The following FBXO42 variants were observed in gnomAD, a reference collection of about 807,000 sequenced individuals.
FBXO42 encodes the protein F-box only protein 42.
In FBXO42, 12 loss-of-function variants were observed where a neutral mutation model predicts 71.7. The ratio of observed to expected loss-of-function variants is 0.17; its 90% CI spans 0.11 to 0.27. FBXO42 has a LOEUF of 0.27. Ranked by LOEUF, FBXO42 falls within the 10% of genes least tolerant of loss-of-function variation. FBXO42 has a pLI of 1.00. For synonymous variants in FBXO42, 325 were observed against 327.5 expected, an observed-to-expected ratio of 0.99 and a Z score of 0.08; for missense variants, 707 against 911.9, an observed-to-expected ratio of 0.78 and a Z score of 2.89.
rs1307323332 is a variant in FBXO42, at chr1:16,320,514, A to AT, written c.-17-5080dup. On this transcript the variant is annotated intron_variant, in intron 1 of 9. Coordinates refer to ENST00000375592, the MANE Select transcript of FBXO42 (RefSeq NM_018994.3). ...TTTCATATATATTTTTTGTTTTATT[A>AT]TTTTTTTGAGATAGGGTCTCACTCT... Among the ~76,000 whole-genome samples, 33 of 151,306 alleles carry AT rather than the reference A, an allele frequency of 2.2e-4. No individual in the cohort carries two copies. In the East Asian group the frequency reaches 5.6e-3, roughly 26 times the overall value.
Position 16,255,802 on chromosome 1 carries a change from T to C in FBXO42, c.676A>G (p.Thr226Ala). 1 of 1,613,578 alleles carries C rather than the reference T, an allele frequency of 6.2e-7. No homozygotes were observed. Among genetic ancestry groups the C allele is most frequent in the Non-Finnish European group, 8.5e-7 (1 of 1,179,872 alleles). Reference sequence around the variant, plus strand: ...CCAGCCATGGGAGGTGGCCCATGGGTTGTCACAATGCAGTTCCACCTAATG... The same window carrying C: ...CCAGCCATGGGAGGTGGCCCATGGGCTGTCACAATGCAGTTCCACCTAATG... ...SKNWWNCIVT[T>A]HGPPPMAGHS... Residue 226 changes from threonine to alanine, a missense_variant, in exon 6 of 10, where the codon ACC becomes GCC. Coordinates refer to ENST00000375592, the MANE Select transcript of FBXO42 (RefSeq NM_018994.3).
intron 5 of FBXO42, among the ~76,000 whole-genome samples, chr1:16,256,299 T>C (rs1490481003): frequency 2.0e-5 from 3 of 152,230 alleles, no homozygotes; most frequent in Non-Finnish European, 2.9e-5. Context: ...TCCTGGAGTG[T>C]TAGCAGCCAA....
intron 3 of FBXO42, among the ~76,000 whole-genome samples, chr1:16,295,694 A>T (rs2082123000): frequency 6.6e-6 from 1 of 152,138 alleles, no homozygotes; most frequent in African/African-American, 2.4e-5. Flanking sequence ...TGCCCGGCCA[A>T]TAAATGAATC....
intron 2 of FBXO42, among the ~76,000 whole-genome samples, chr1:16,308,838 G>A (rs927161814): frequency 1.4e-5 from 2 of 142,724 alleles, no homozygotes; most frequent in African/African-American, 5.3e-5. Context: ...CCACCTCCCA[G>A]GTTCAAATGA....
At chr1:16,265,258 A>C (rs2081758680) in intron 4 of FBXO42, among the ~76,000 whole-genome samples, 1 of 151,872 alleles carries the variant, frequency 6.6e-6, no homozygotes. Flanking sequence ...CAAGTGGCTA[A>C]TTTTGTATTT....
rs60180021 is a variant in FBXO42, at chr1:16,273,580, T to TAA, written c.503-16823_503-16822dup. Among the ~76,000 whole-genome samples, 951 of 140,110 alleles carry TAA rather than the reference T, an allele frequency of 6.8e-3. 7 individuals carry two copies. The highest frequency in any genetic ancestry group is 0.024 in the African/African-American group (912 of 38,794). The allele number at this position is 140,110 out of a possible 152,430, so 91.9% of individuals were successfully genotyped here. Reference sequence around the variant, plus strand: ...AGTATCCATCAACAGGAGAACAACTTAAAAAAAAAAAAAATGAGGGCCGGG... The same window carrying TAA: ...AGTATCCATCAACAGGAGAACAACTTAAAAAAAAAAAAAAAATGAGGGCCGGG... On this transcript the variant is annotated intron_variant, in intron 4 of 9. Coordinates refer to ENST00000375592, the MANE Select transcript of FBXO42 (RefSeq NM_018994.3).
At chr1:16,320,808 G>A (rs1355251575) in intron 1 of FBXO42, among the ~76,000 whole-genome samples, 2 of 151,834 alleles carry the variant, frequency 1.3e-5, no homozygotes, top group Non-Finnish European at 2.9e-5. Flanking sequence ...GTAATCCACC[G>A]TGCCCAGCCT....
Position 16,255,814 on chromosome 1 carries a change from A to T in FBXO42, c.664T>A (p.Cys222Ser). ...TYSPSKNWWN[C>S]IVTTHGPPPM... ...GGTGGCCCATGGGTTGTCACAATGCAGTTCCACCTAATGTAAAAAGACAGG... is the reference window on the plus strand; with the variant it reads ...GGTGGCCCATGGGTTGTCACAATGCTGTTCCACCTAATGTAAAAAGACAGG... Residue 222 changes from cysteine to serine, a missense_variant, in exon 6 of 10, where the codon TGC becomes AGC. This residue lies in a region of FBXO42 where 482 missense variants were observed against 587.1 expected (regional missense o/e 0.82). Transcript: ENST00000375592. 6.2e-7 allele frequency: 1 copy of T among 1,611,790 alleles called. No homozygotes were observed. Among genetic ancestry groups the T allele is most frequent in the East Asian group, 2.2e-5 (1 of 44,858 alleles).
intron 1 of FBXO42, among the ~76,000 whole-genome samples, chr1:16,335,063 C>CAAAAAAAAAAAAAAAAAAAAAAA: frequency 1.4e-5 from 1 of 68,990 alleles, no homozygotes; most frequent in Non-Finnish European, 2.5e-5. Flanking sequence ...CTCGTCTGTA[C>CAAAAAAAAAAAAAAAAAAAAAAA]AAAAAAAAAA....
intron 1 of FBXO42, among the ~76,000 whole-genome samples, chr1:16,331,087 T>C (rs1304064576): frequency 6.6e-6 from 1 of 150,984 alleles, no homozygotes; most frequent in East Asian, 2.0e-4. Flanking sequence ...GCCACTGTAC[T>C]CTGGCCTAGT....
chr1:16,292,638 C>G (rs892766847), intron 4 of FBXO42: 1 of 152,060 alleles, frequency 6.6e-6, no homozygotes, highest in African/African-American at 2.4e-5. Flanking sequence ...AAAAAAAAGT[C>G]TTACTCCATA....
chr1:16,260,684 C>T (rs2081701882), intron 4 of FBXO42, among the ~76,000 whole-genome samples: 1 of 151,914 alleles, frequency 6.6e-6, no homozygotes, highest in Non-Finnish European at 1.5e-5. Flanking sequence ...TCCATTTATT[C>T]TGGATTTTAA....
At chr1:16,269,151 C>A (rs2081811203) in intron 4 of FBXO42, among the ~76,000 whole-genome samples, 3 of 147,160 alleles carry the variant, frequency 2.0e-5, no homozygotes, top group African/African-American at 5.0e-5. Context: ...GTCACCCAGA[C>A]TGGAGTGCAG....
intron 4 of FBXO42, among the ~76,000 whole-genome samples, chr1:16,287,339 C>T (rs1215233897): frequency 6.6e-6 from 1 of 152,210 alleles, no homozygotes; most frequent in Non-Finnish European, 1.5e-5. Flanking sequence ...AGTTATAATC[C>T]TCCTAGCCAT....
At chr1:16,302,132 G>A (rs2082201632) in intron 3 of FBXO42, among the ~76,000 whole-genome samples, 1 of 152,192 alleles carries the variant, frequency 6.6e-6, no homozygotes, top group Non-Finnish European at 1.5e-5. Context: ...TAGGGAAGCA[G>A]AGAGGAAGAA....
intron 4 of FBXO42, among the ~76,000 whole-genome samples, chr1:16,268,967 C>A (rs1167959233): frequency 1.3e-5 from 2 of 151,512 alleles, no homozygotes; most frequent in East Asian, 2.0e-4. Flanking sequence ...CATCACCACA[C>A]CCAGTTAATT....
At position 16,252,434 on chromosome 1, in the gene FBXO42, C is replaced by T; in HGVS notation, c.922-30G>A. The T allele has an allele frequency of 6.4e-7, 1 of 1,560,758 alleles. No homozygotes were observed. Among genetic ancestry groups the T allele is most frequent in the Non-Finnish European group, 8.8e-7 (1 of 1,132,640 alleles). ...AAGAGAAAAAACCAATAACAAGACTCAGGTGTGATATGCGTTCCAAAACAC... is the reference window on the plus strand; with the variant it reads ...AAGAGAAAAAACCAATAACAAGACTTAGGTGTGATATGCGTTCCAAAACAC... On this transcript the variant is annotated intron_variant, in intron 8 of 9. Transcript: ENST00000375592. The surrounding 1 kb of genome is among the most constrained non-coding windows in gnomAD (Gnocchi z 4.4).
chr1:16,338,068 G>A (rs2082569107), intron 1 of FBXO42, among the ~76,000 whole-genome samples: 1 of 151,610 alleles, frequency 6.6e-6, no homozygotes, highest in South Asian at 2.1e-4. Context: ...GACCATCCTG[G>A]CTAACACAGT....
chr1:16,250,697 G>A lies in FBXO42; in HGVS notation c.2127C>T (p.Ala709=), dbSNP rs201046928. Residue 709 remains alanine, a synonymous_variant, in exon 10 of 10, where the codon GCC becomes GCT. Coordinates refer to ENST00000375592, the MANE Select transcript of FBXO42 (RefSeq NM_018994.3). This position sits in a 1 kb window ranked among gnomAD's most constrained non-coding sequence, Gnocchi z 4.7. ...QNVKYYPKTN[A]LYFVRAKR ...ATCTCTTTGCTCGTACAAAGTACAA[G>A]GCGTTTGTTTTTGGATAGTACTTCA... 2.9e-5 allele frequency: 47 copies of A among 1,614,042 alleles called. No individual in the cohort carries two copies. In the African/African-American group the frequency reaches 4.1e-4, roughly 14 times the overall value.
Sources: gnomAD v4.1 joint callset for allele counts (sites outside exome capture counted in the v4.1 genomes callset) on GRCh38, gnomAD v4.1.1 for gene constraint, gnomAD v4.1.1 regional missense constraint, Gnocchi (gnomAD v3.1) non-coding constraint, MANE v1.5 for transcripts, NCBI Gene and HGNC (gene_info 2026-07-23, HGNC 2026-07-21) for gene names.